The following RPS6KC1 variants were observed in gnomAD, a reference collection of about 807,000 sequenced individuals.
RPS6KC1 encodes the protein inactive ribosomal protein S6 kinase delta-1.
RPS6KC1 carries 54 observed loss-of-function variants against 103.8 expected under a neutral mutation model. The ratio of observed to expected loss-of-function variants is 0.52; its 90% CI spans 0.42 to 0.65. The LOEUF (loss-of-function observed/expected upper bound fraction) is 0.65. RPS6KC1 is among the 30% of genes least tolerant of loss of function. The pLI, the probability that RPS6KC1 is intolerant of heterozygous loss-of-function variation, is 0.00. For missense variants in RPS6KC1, 1,151 were observed against 1,253.8 expected, an observed-to-expected ratio of 0.92 and a Z score of 1.24; for synonymous variants, 439 against 438.7, an observed-to-expected ratio of 1.00 and a Z score of -0.01.
chr1:213,424,506 C>T, the RPS6KC1 span, among the ~76,000 whole-genome samples: 2 of 152,354 alleles, frequency 1.3e-5, no homozygotes, highest in Admixed American at 1.3e-4. Flanking sequence ...TATGGTGCTG[C>T]TCAGGATGGC....
At chr1:213,373,705 C>A in the RPS6KC1 span, among the ~76,000 whole-genome samples, 1 of 152,104 alleles carries the variant, frequency 6.6e-6, no homozygotes, top group Non-Finnish European at 1.5e-5. Flanking sequence ...AGCAGGCCAA[C>A]AAGTATTTAG....
At chr1:213,452,739 C>T in the RPS6KC1 span, among the ~76,000 whole-genome samples, 6 of 152,206 alleles carry the variant, frequency 3.9e-5, no homozygotes, top group African/African-American at 1.4e-4. Flanking sequence ...GCTGGCTCCA[C>T]CCTCCTCCCA....
intron 6 of RPS6KC1, among the ~76,000 whole-genome samples, chr1:213,160,005 A>C (rs543306950): frequency 2.0e-5 from 3 of 152,322 alleles, no homozygotes; most frequent in African/African-American, 7.2e-5. Flanking sequence ...AGAGTTAATC[A>C]TTATTTTGTA....
At position 213,129,766 on chromosome 1, in the gene RPS6KC1, G is replaced by A. The variant is rs781402869; in HGVS notation, c.712G>A (p.Asp238Asn). 1.1e-5 allele frequency: 18 copies of A among 1,614,048 alleles called. No individual in the cohort carries two copies. Among genetic ancestry groups the A allele is most frequent in the Non-Finnish European group, 1.4e-5 (17 of 1,179,974 alleles). Residue 238 changes from aspartate (D) to asparagine (N), a missense_variant, in exon 6 of 15, where the codon GAT becomes AAT. Around this residue, in one of 3 missense-constraint regions of RPS6KC1, gnomAD observed 959 missense variants for 1,006.3 expected, o/e 0.95. Coordinates refer to ENST00000366960, the MANE Select transcript of RPS6KC1 (RefSeq NM_012424.6). ...GSLKPKLGKR[D>N]YLEKAGELIK... ...TTTAAAGCCGAAGCTTGGCAAGAGA[G>A]ATTATTTGGAGAAAGCAGGAGAATT...
the RPS6KC1 span, among the ~76,000 whole-genome samples, chr1:213,283,454 A>G: frequency 6.6e-6 from 1 of 152,224 alleles, no homozygotes; most frequent in Non-Finnish European, 1.5e-5. Context: ...CAAGACTTGC[A>G]TGGTATGTGA....
At chr1:213,357,326 G>A in the RPS6KC1 span, among the ~76,000 whole-genome samples, 1 of 152,084 alleles carries the variant, frequency 6.6e-6, no homozygotes, top group South Asian at 2.1e-4. Context: ...TGTCCTGCCA[G>A]CTTTTCTCAG....
At chr1:213,301,745 A>G in the RPS6KC1 span, among the ~76,000 whole-genome samples, 425 of 136,990 alleles carry the variant, frequency 3.1e-3, 1 homozygote, top group Non-Finnish European at 4.9e-3. Context: ...TTATTTATTT[A>G]TTTGTGAGAC....
chr1:213,549,623 T>G, the RPS6KC1 span, among the ~76,000 whole-genome samples: 198 of 141,436 alleles, frequency 1.4e-3, no homozygotes, highest in African/African-American at 5.2e-3. Flanking sequence ...TTTTTTTTTT[T>G]TTTTTTTTTT....
the RPS6KC1 span, among the ~76,000 whole-genome samples, chr1:213,413,542 C>A: frequency 3.9e-5 from 6 of 152,304 alleles, no homozygotes; most frequent in East Asian, 7.7e-4. Context: ...AAATAGTTCA[C>A]TCATGTGGCT....
the RPS6KC1 span, among the ~76,000 whole-genome samples, chr1:213,630,386 CT>C: frequency 4.6e-5 from 7 of 152,204 alleles, no homozygotes; most frequent in African/African-American, 1.4e-4. Flanking sequence ...ACTGAGGCTT[CT>C]GCATTCGTCA....
At chr1:213,625,821 G>A in the RPS6KC1 span, among the ~76,000 whole-genome samples, 2 of 152,136 alleles carry the variant, frequency 1.3e-5, no homozygotes, top group African/African-American at 4.8e-5. Context: ...TCTTAATCCA[G>A]TCTATCGTTG....
chr1:213,671,851 T>G, the RPS6KC1 span, among the ~76,000 whole-genome samples: 2 of 152,126 alleles, frequency 1.3e-5, no homozygotes, highest in African/African-American at 4.8e-5. Context: ...ATGGATATAC[T>G]AATTAACCTG....
At chr1:213,081,065 A>G (rs1028729021) in intron 3 of RPS6KC1, among the ~76,000 whole-genome samples, 2 of 152,174 alleles carry the variant, frequency 1.3e-5, no homozygotes, top group East Asian at 3.8e-4. Flanking sequence ...AAATATTTGG[A>G]CCATGCCTTT....
intron 6 of RPS6KC1, among the ~76,000 whole-genome samples, chr1:213,165,510 G>A (rs1009458005): frequency 2.0e-5 from 3 of 152,138 alleles, no homozygotes; most frequent in East Asian, 3.9e-4. Context: ...TGCAAGCTCC[G>A]CCTTCCGGGT....
At chr1:213,525,859 G>T in the RPS6KC1 span, among the ~76,000 whole-genome samples, 2 of 152,110 alleles carry the variant, frequency 1.3e-5, no homozygotes, top group East Asian at 3.9e-4. Context: ...GAGTGGTGGG[G>T]GGAAGGCTGA....
chr1:213,410,897 G>A, the RPS6KC1 span, among the ~76,000 whole-genome samples: 1 of 152,138 alleles, frequency 6.6e-6, no homozygotes, highest in Non-Finnish European at 1.5e-5. Flanking sequence ...TGACTTTTCA[G>A]ACTGAAGATG....
chr1:213,515,819 G>A, the RPS6KC1 span, among the ~76,000 whole-genome samples: 1 of 152,116 alleles, frequency 6.6e-6, no homozygotes, highest in African/African-American at 2.4e-5. Flanking sequence ...ATTACCTTGG[G>A]CAGTGTGGCC....
the RPS6KC1 span, among the ~76,000 whole-genome samples, chr1:213,334,282 C>A: frequency 1.3e-5 from 2 of 152,192 alleles, no homozygotes; most frequent in African/African-American, 2.4e-5. Flanking sequence ...CATACAGGTG[C>A]TTCCAAATTT....
At chr1:213,169,109 T>C (rs1355970795) in intron 7 of RPS6KC1, among the ~76,000 whole-genome samples, 2 of 152,296 alleles carry the variant, frequency 1.3e-5, no homozygotes, top group East Asian at 3.9e-4. Context: ...ATAAATCAAG[T>C]GCCTCTCTAG....
Sources: allele counts gnomAD v4.1 joint callset (sites outside exome capture counted in the v4.1 genomes callset), GRCh38; gene constraint gnomAD v4.1.1; regional missense constraint gnomAD v4.1.1; transcripts MANE v1.5; gene names NCBI Gene and HGNC (gene_info 2026-07-23, HGNC 2026-07-21).